Variants in RYR3 observed in about 807,000 individuals in gnomAD.
The protein encoded by RYR3 is brain ryanodine receptor-calcium release channel.
Under a neutral mutation model 584.3 loss-of-function variants are expected in RYR3, and 207 were observed. That is an observed-to-expected ratio of 0.35 (90% confidence interval 0.32 to 0.40). RYR3 has a LOEUF of 0.40. Among genes scored for constraint, RYR3 ranks in the 10% least tolerant of loss-of-function variants. RYR3 has a pLI of 1.00. For synonymous variants in RYR3, 2,416 were observed against 2,248.5 expected (o/e 1.07, Z -2.11); for missense variants, 5,616 against 6,089.2 (o/e 0.92, Z 2.59).
At chr15:33,864,462 A>G (rs775276760) in intron 103 of RYR3, among the ~76,000 whole-genome samples, 2 of 152,196 alleles carry the variant, frequency 1.3e-5, no homozygotes, top group Admixed American at 6.5e-5. Flanking sequence ...GAAATAAGAA[A>G]TTGTCTGACA....
At chr15:33,833,088 A>G (rs1311439039) in intron 86 of RYR3, among the ~76,000 whole-genome samples, 1 of 151,994 alleles carries the variant, frequency 6.6e-6, no homozygotes, top group East Asian at 1.9e-4. Flanking sequence ...GAGGAAGTAC[A>G]TTCTGTGTCA....
intron 13 of RYR3, among the ~76,000 whole-genome samples, chr15:33,580,534 G>T (rs948073391): frequency 6.6e-6 from 1 of 152,168 alleles, no homozygotes; most frequent in Non-Finnish European, 1.5e-5. Context: ...CTGAGAAGCT[G>T]GTTTAAAAGA....
chr15:33,433,067 C>A (rs945222798), intron 1 of RYR3, among the ~76,000 whole-genome samples: 1 of 152,070 alleles, frequency 6.6e-6, no homozygotes, highest in East Asian at 1.9e-4. Context: ...GGGTCTTTGA[C>A]TCATGCAAAC....
chr15:33,851,740 T>C (rs903719990), intron 94 of RYR3: 1 of 152,152 alleles, frequency 6.6e-6, no homozygotes, highest in African/African-American at 2.4e-5. Context: ...GGCTGAGTTG[T>C]ATGTTACCAT....
In RYR3 at chr15:33,739,832, A is replaced by C; in HGVS notation, c.7657A>C (p.Lys2553Gln). ...WGIFDSLSHK[K>Q]YDPDLFRMAL... ...ATGTGGCCTTGTTTTTCCCTCACAGAAATATGACCCAGATCTTTTCCGAAT... is the reference window on the plus strand; with the variant it reads ...ATGTGGCCTTGTTTTTCCCTCACAGCAATATGACCCAGATCTTTTCCGAAT... The change falls in exon 51 of 104, where the codon AAA (lysine) becomes CAA (glutamine). Residue 2553 changes from lysine to glutamine, a missense_variant and splice_region_variant. By Grantham distance (53) the Lys-to-Gln change is moderately conservative (BLOSUM62 1). Coordinates refer to ENST00000634891, the MANE Select transcript of RYR3 (RefSeq NM_001036.6). 6.2e-7 allele frequency: 1 copy of C among 1,612,148 alleles called. No homozygotes were observed. Among genetic ancestry groups the C allele is most frequent in the Non-Finnish European group, 8.5e-7 (1 of 1,178,712 alleles).
At chr15:33,863,715 T>G (rs1253635605) in intron 102 of RYR3, among the ~76,000 whole-genome samples, 1 of 152,158 alleles carries the variant, frequency 6.6e-6, no homozygotes. Flanking sequence ...AACTTTTCCA[T>G]GACAGATATT....
At chr15:33,456,595 C>G (rs16971191) in intron 1 of RYR3, among the ~76,000 whole-genome samples, 9,676 of 152,206 alleles carry the variant, frequency 0.064, 1,032 homozygotes, top group African/African-American at 0.21. Flanking sequence ...ACTGATTCCA[C>G]TTCCACATAG....
Position 33,652,755 on chromosome 15 carries a change from G to A in RYR3, c.4180G>A (p.Asp1394Asn). ...CAACTGCTACATGGTCTGGGGTGGA[G>A]ACATTGTAGCCAGTTCCCAGAGATC... ...RSNCYMVWGG[D>N]IVASSQRSNR... The change falls in exon 32 of 104, where the codon GAC becomes AAC. Residue 1394 changes from aspartate to asparagine, a missense_variant. Around this residue, in one of 9 missense-constraint regions of RYR3, gnomAD observed 753 missense variants for 741.0 expected, o/e 1.02. Transcript: ENST00000634891. The A allele has an allele frequency of 6.2e-7, 1 of 1,613,730 alleles. No individual in the cohort carries two copies. Among genetic ancestry groups the A allele is most frequent in the Non-Finnish European group, 8.5e-7 (1 of 1,179,786 alleles).
chr15:33,861,252 C>G (rs896391387), intron 102 of RYR3, 74 bp downstream of exon 102: 31 of 1,112,106 alleles, frequency 2.8e-5, no homozygotes, highest in South Asian at 6.7e-5. Context: ...ATAGTTCAGT[C>G]TCTGCTGGAA....
intron 1 of RYR3, among the ~76,000 whole-genome samples, chr15:33,328,047 G>A (rs1048019030): frequency 6.6e-6 from 1 of 152,194 alleles, no homozygotes; most frequent in Non-Finnish European, 1.5e-5. Context: ...CTGAAATTAA[G>A]TCCAAGACTG....
At chr15:33,450,256 A>AT (rs1258381854) in intron 1 of RYR3, among the ~76,000 whole-genome samples, 1 of 152,052 alleles carries the variant, frequency 6.6e-6, no homozygotes, top group Non-Finnish European at 1.5e-5. Context: ...GTCCTTAGAG[A>AT]TAAAAATCCT....
At chr15:33,599,908 G>T (rs1276342370) in intron 16 of RYR3, among the ~76,000 whole-genome samples, 3 of 152,140 alleles carry the variant, frequency 2.0e-5, no homozygotes, top group Non-Finnish European at 2.9e-5. Flanking sequence ...TCTCTTTGCT[G>T]TTCCTACTGT....
intron 18 of RYR3, among the ~76,000 whole-genome samples, chr15:33,606,890 C>G (rs528115929): frequency 1.3e-5 from 2 of 152,244 alleles, no homozygotes; most frequent in Admixed American, 1.3e-4. Flanking sequence ...ATGAGTAGTA[C>G]GGAAGCGAAT....
intron 31 of RYR3, among the ~76,000 whole-genome samples, chr15:33,652,162 CAG>C (rs890544062): frequency 2.2e-4 from 34 of 152,282 alleles, no homozygotes; most frequent in African/African-American, 7.0e-4. Flanking sequence ...TGGGGAAGGA[CAG>C]GGGCTCATAA....
chr15:33,757,806 G>A (rs1596460762), intron 60 of RYR3: 1 of 584,340 alleles, frequency 1.7e-6, no homozygotes, highest in Admixed American at 3.0e-5. Context: ...TACCCGTGGG[G>A]CTTGGGAAAG....
At chr15:33,443,848 A>G (rs1295474157) in intron 1 of RYR3, among the ~76,000 whole-genome samples, 1 of 152,150 alleles carries the variant, frequency 6.6e-6, no homozygotes, top group Non-Finnish European at 1.5e-5. Flanking sequence ...AGCTCCTGTT[A>G]TCATTTTTGG....
At chr15:33,640,914 G>A (rs560533661) in intron 27 of RYR3, among the ~76,000 whole-genome samples, 3 of 152,070 alleles carry the variant, frequency 2.0e-5, no homozygotes, top group Non-Finnish European at 4.4e-5. Flanking sequence ...TGAGGCTATG[G>A]GTTCATTAAG....
chr15:33,311,608 C>A lies in RYR3; in HGVS notation c.51+512C>A, dbSNP rs545349620. Among the ~76,000 whole-genome samples, 18 of 152,294 alleles carry A rather than the reference C, an allele frequency of 1.2e-4. No individual in the cohort carries two copies. Among genetic ancestry groups the A allele is most frequent in the African/African-American group, 4.3e-4 (18 of 41,566 alleles). On this transcript the variant is annotated intron_variant, in intron 1 of 103. Coordinates refer to ENST00000634891, the MANE Select transcript of RYR3 (RefSeq NM_001036.6). This position sits in a 1 kb window ranked among gnomAD's most constrained non-coding sequence, Gnocchi z 4.4. ...GCCGGGTCGGAGAAGCGGGCGCAGG[C>A]GCTTGGTCCTAGCCCTGGGATCGCT...
At position 33,613,214 on chromosome 15, in the gene RYR3, C is replaced by A. The variant is rs2152568008; in HGVS notation, c.2196C>A (p.Asn732Lys). 1 of 1,613,864 alleles carries A rather than the reference C, an allele frequency of 6.2e-7. No homozygotes were observed. Residue 732 changes from asparagine to lysine, a missense_variant, in exon 19 of 104, where the codon AAC (asparagine) becomes AAA (lysine). By Grantham distance (94) the Asn-to-Lys change is moderately conservative (BLOSUM62 0). Coordinates refer to ENST00000634891, the MANE Select transcript of RYR3 (RefSeq NM_001036.6). Reference protein sequence around the residue: ...GRIPRAVASINQHLLRSDDVV... With the variant: ...GRIPRAVASIKQHLLRSDDVV... ...TACCCAGAGCTGTGGCTTCCATCAA[C>A]CAGCACCTCCTGAGATCGGATGACG...
Sources: allele counts gnomAD v4.1 joint callset (sites outside exome capture counted in the v4.1 genomes callset), GRCh38; gene constraint gnomAD v4.1.1; regional missense constraint gnomAD v4.1.1; non-coding constraint Gnocchi (gnomAD v3.1); transcripts MANE v1.5; gene names NCBI Gene and HGNC (gene_info 2026-07-23, HGNC 2026-07-21).